The following HIC1 variants were observed in gnomAD, a reference collection of about 807,000 sequenced individuals.
HIC1 encodes the protein HIC ZBTB transcriptional repressor 1.
In HIC1, 9 loss-of-function variants were observed where a neutral mutation model predicts 26.4. The ratio of observed to expected loss-of-function variants is 0.34; its 90% CI spans 0.21 to 0.59. HIC1 has a LOEUF of 0.59. Among genes scored for constraint, HIC1 ranks in the 20% least tolerant of loss-of-function variants. The probability of loss-of-function intolerance (pLI) is 0.82; values close to 1 mark genes in which losing one functional copy is unlikely to be tolerated. For missense variants in HIC1, 965 were observed against 1,075.7 expected (o/e 0.90, Z 1.44); for synonymous variants, 631 against 523.1 (o/e 1.21, Z -2.81).
At position 2,058,953 on chromosome 17, in the gene HIC1, T is replaced by G; in HGVS notation, c.*118T>G. On this transcript the variant is annotated 3_prime_UTR_variant, in exon 2 of 2. Coordinates refer to ENST00000619757, the MANE Select transcript of HIC1 (RefSeq NM_006497.4). Reference sequence around the variant, plus strand: ...CGGGACAACCGCAGCGTCGCCACAGTGGCGGCTCCACCTCTCGGCGGCCTC... The same window carrying G: ...CGGGACAACCGCAGCGTCGCCACAGGGGCGGCTCCACCTCTCGGCGGCCTC... 3.2e-6 allele frequency: 3 copies of G among 934,974 alleles called. No individual in the cohort carries two copies. The highest frequency in any genetic ancestry group is 3.0e-6 in the Non-Finnish European group (2 of 673,734). The allele number at this position is 934,974 out of a possible 1,614,324, so 57.9% of individuals were successfully genotyped here.
In HIC1 at chr17:2,055,331, G is replaced by C. The variant is rs2067661611; in HGVS notation, c.-21+93G>C. The C allele has an allele frequency of 6.6e-6, 1 of 152,196 alleles. No homozygotes were observed. Among genetic ancestry groups the C allele is most frequent in the Non-Finnish European group, 1.5e-5 (1 of 68,048 alleles). The allele number at this position is 152,196 out of a possible 1,614,324, so 9.4% of individuals were successfully genotyped here. On this transcript the variant is annotated intron_variant, in intron 1 of 1. Transcript: ENST00000619757. This position sits in a 1 kb window ranked among gnomAD's most constrained non-coding sequence, Gnocchi z 6.4. Reference sequence around the variant, plus strand: ...CGCCTCGGGTGCATCTTCTGGCGCGGGTGCCCCATCGCGGCTGGCGGCTGG... The same window carrying C: ...CGCCTCGGGTGCATCTTCTGGCGCGCGTGCCCCATCGCGGCTGGCGGCTGG...
chr17:2,061,358 G>A lies in HIC1; in HGVS notation c.*2523G>A, dbSNP rs374288517. 59 of 876,780 alleles carry A rather than the reference G, an allele frequency of 6.7e-5. No homozygotes were observed. Among genetic ancestry groups the A allele is most frequent in the Non-Finnish European group, 8.7e-5 (51 of 583,082 alleles). 54.3% of individuals were successfully genotyped at this position (876,780 alleles called of 1,614,324 possible). On this transcript the variant is annotated 3_prime_UTR_variant, in exon 2 of 2. Transcript: ENST00000619757. ...AGGTCCCCCACAGCATGGCCGTGGC[G>A]TGGGTTGGAAGAGGATGGTTTATTG...
At position 2,058,532 on chromosome 17, in the gene HIC1, C is replaced by T. The variant is rs1430792220; in HGVS notation, c.1842C>T (p.Gly614=). Reference sequence around the variant, plus strand: ...TGGCGGGCTTGGGGGGGCTCCCCGGCGTCCCCGGCCCCGACGGCAAGGGCA... The same window carrying T: ...TGGCGGGCTTGGGGGGGCTCCCCGGTGTCCCCGGCCCCGACGGCAAGGGCA... ...GALAGLGGLP[G]VPGPDGKGKL... The change falls in exon 2 of 2, where the codon GGC becomes GGT. Residue 614 remains glycine, a synonymous_variant. Transcript: ENST00000619757. 2 of 1,501,086 alleles carry T rather than the reference C, an allele frequency of 1.3e-6. No individual in the cohort carries two copies. Among genetic ancestry groups the T allele is most frequent in the South Asian group, 2.6e-5 (2 of 78,218 alleles). 93.0% of individuals were successfully genotyped at this position (1,501,086 alleles called of 1,614,324 possible).
At position 2,058,120 on chromosome 17, in the gene HIC1, C is replaced by T. The variant is rs2067692948; in HGVS notation, c.1430C>T (p.Ala477Val). 1 of 1,601,102 alleles carries T rather than the reference C, an allele frequency of 6.2e-7. No individual in the cohort carries two copies. The highest frequency in any genetic ancestry group is 8.5e-7 in the Non-Finnish European group (1 of 1,177,016). Residue 477 changes from alanine to valine, a missense_variant, in exon 2 of 2, where the codon GCT becomes GTT. Around this residue, in one of 6 missense-constraint regions of HIC1, gnomAD observed 105 missense variants for 101.4 expected, o/e 1.04. Transcript: ENST00000619757. ...GGCGGCGGGGACAAGGTCGCCGGGG[C>T]TCCGGGTGGCCTGGGAGAGCTGCTG... ...FGGGGDKVAG[A>V]PGGLGELLRP...
Position 2,057,757 on chromosome 17 carries a change from C to T in HIC1, c.1067C>T (p.Ala356Val), listed in dbSNP as rs1285776132. 2 of 1,409,820 alleles carry T rather than the reference C, an allele frequency of 1.4e-6. No individual in the cohort carries two copies. Among genetic ancestry groups the T allele is most frequent in the Non-Finnish European group, 9.2e-7 (1 of 1,092,072 alleles). The allele number at this position is 1,409,820 out of a possible 1,614,324, so 87.3% of individuals were successfully genotyped here. Residue 356 changes from alanine (A) to valine (V), a missense_variant, in exon 2 of 2, where the codon GCG becomes GTG. Transcript: ENST00000619757. ...CCCGGGGGGCCCCCGCTCGGCCTGGCGCCGCCGCCGCGCTACCCTGGCAGC... is the reference window on the plus strand; with the variant it reads ...CCCGGGGGGCCCCCGCTCGGCCTGGTGCCGCCGCCGCGCTACCCTGGCAGC... ...VSPGGPPLGL[A>V]PPPRYPGSLD...
At chr17:2,056,495 G>C (rs2067673779) in intron 1 of HIC1, 176 bp from the exon 2 acceptor site, 2 of 1,305,640 alleles carry the variant, frequency 1.5e-6, no homozygotes, top group East Asian at 4.8e-5. Flanking sequence ...TGGTCCGGGC[G>C]GGCCGGCCTG....
In HIC1 at chr17:2,057,337, G is replaced by A. The variant is rs968501586; in HGVS notation, c.647G>A (p.Arg216His). ...GCCGCACTCTGTGCCTCGGAGCGCC[G>A]CTGCTCCCCTCTTTGTGGCCTGGAC... ...PAAALCASER[R>H]CSPLCGLDLS... Residue 216 changes from arginine to histidine, a missense_variant, in exon 2 of 2, where the codon CGC (arginine) becomes CAC (histidine). Transcript: ENST00000619757. 2.7e-6 allele frequency: 4 copies of A among 1,499,046 alleles called. No individual in the cohort carries two copies. The highest frequency in any genetic ancestry group is 3.5e-6 in the Non-Finnish European group (4 of 1,132,872). The allele number at this position is 1,499,046 out of a possible 1,614,324, so 92.9% of individuals were successfully genotyped here.
rs529614050 is a variant in HIC1, at chr17:2,062,406, C to T, written c.*3571C>T. ...CACTTGGACATATAACCTTTTTTTC[C>T]TACAGCATCATGATCATATTAGCCA... On this transcript the variant is annotated 3_prime_UTR_variant, in exon 2 of 2. Transcript: ENST00000619757. The T allele has an allele frequency of 6.6e-6, 1 of 152,222 alleles. No homozygotes were observed. The highest frequency in any genetic ancestry group is 2.1e-4 in the South Asian group (1 of 4,826). The allele number at this position is 152,222 out of a possible 1,614,324, so 9.4% of individuals were successfully genotyped here.
At chr17:2,056,274 C>T in intron 1 of HIC1, 1 of 1,596,638 alleles carries the variant, frequency 6.3e-7, no homozygotes. Flanking sequence ...TCCTCGGCTC[C>T]CTTTCTCCCT....
chr17:2,057,279 G>A lies in HIC1; in HGVS notation c.589G>A (p.Ala197Thr), dbSNP rs945609595. The A allele has an allele frequency of 2.0e-6, 3 of 1,479,860 alleles. No homozygotes were observed. The highest frequency in any genetic ancestry group is 2.7e-6 in the Non-Finnish European group (3 of 1,122,580). The allele number at this position is 1,479,860 out of a possible 1,614,324, so 91.7% of individuals were successfully genotyped here. A position where few individuals can be genotyped will look rare whatever the true frequency, so the allele number is the denominator to read the frequency against. Reference sequence around the variant, plus strand: ...AGAGGCCGCGGTCAACACGCACTGCGCCGAGCTGTACGCGTCGGGACCCGG... The same window carrying A: ...AGAGGCCGCGGTCAACACGCACTGCACCGAGCTGTACGCGTCGGGACCCGG... ...GPEAAVNTHCAELYASGPGPA... is the reference protein window; with the variant it reads ...GPEAAVNTHCTELYASGPGPA... Residue 197 changes from alanine (A) to threonine (T), a missense_variant, in exon 2 of 2, where the codon GCC (alanine) becomes ACC (threonine). Ala to Thr is a moderately conservative substitution (Grantham distance 58, BLOSUM62 0). Coordinates refer to ENST00000619757, the MANE Select transcript of HIC1 (RefSeq NM_006497.4).
In HIC1 at chr17:2,057,867, C is replaced by T; in HGVS notation, c.1177C>T (p.Pro393Ser). Reference protein sequence around the residue: ...ETGSSEDPSPPGGHLEGYPCP... With the variant: ...ETGSSEDPSPSGGHLEGYPCP... Reference sequence around the variant, plus strand: ...CGGTAGCAGCGAGGACCCCAGCCCGCCTGGCGGCCACCTCGAGGGCTACCC... The same window carrying T: ...CGGTAGCAGCGAGGACCCCAGCCCGTCTGGCGGCCACCTCGAGGGCTACCC... Residue 393 changes from proline (P) to serine (S), a missense_variant, in exon 2 of 2, where the codon CCT (proline) becomes TCT (serine). Around this residue, in one of 6 missense-constraint regions of HIC1, gnomAD observed 526 missense variants for 525.0 expected, o/e 1.00. Transcript: ENST00000619757. 12 of 1,594,754 alleles carry T rather than the reference C, an allele frequency of 7.5e-6. No individual in the cohort carries two copies. The highest frequency in any genetic ancestry group is 1.7e-5 in the Admixed American group (1 of 57,526).
In HIC1 at chr17:2,062,988, CAG is replaced by C. The variant is rs2067827742; in HGVS notation, c.*4157_*4158del. 1 of 152,652 alleles carries C rather than the reference CAG, an allele frequency of 6.6e-6. No individual in the cohort carries two copies. The highest frequency in any genetic ancestry group is 1.5e-5 in the Non-Finnish European group (1 of 68,396). The allele number at this position is 152,652 out of a possible 1,614,324, so 9.5% of individuals were successfully genotyped here. A position where few individuals can be genotyped will look rare whatever the true frequency, so the allele number is the denominator to read the frequency against. On this transcript the variant is annotated 3_prime_UTR_variant, in exon 2 of 2. Coordinates refer to ENST00000619757, the MANE Select transcript of HIC1 (RefSeq NM_006497.4). Reference sequence around the variant, plus strand: ...AGGTGGCCTCGGGTGAGGGGATACTCAGAGACTACTCAGCTGCCTGGGCCAGG... The same window carrying C: ...AGGTGGCCTCGGGTGAGGGGATACTCAGACTACTCAGCTGCCTGGGCCAGG...
chr17:2,061,349 G>C lies in HIC1; in HGVS notation c.*2514G>C. ...GTGAGGAGCAGGTCCCCCACAGCAT[G>C]GCCGTGGCGTGGGTTGGAAGAGGAT... On this transcript the variant is annotated 3_prime_UTR_variant, in exon 2 of 2. Transcript: ENST00000619757. The C allele has an allele frequency of 1.2e-6, 1 of 807,370 alleles. No homozygotes were observed. Among genetic ancestry groups the C allele is most frequent in the Non-Finnish European group, 1.9e-6 (1 of 521,998 alleles). The allele number at this position is 807,370 out of a possible 1,614,324, so 50.0% of individuals were successfully genotyped here.
At position 2,057,961 on chromosome 17, in the gene HIC1, G is replaced by A. The variant is rs1192780961; in HGVS notation, c.1271G>A (p.Gly424Asp). 6.2e-7 allele frequency: 1 copy of A among 1,610,466 alleles called. No homozygotes were observed. The highest frequency in any genetic ancestry group is 8.5e-7 in the Non-Finnish European group (1 of 1,178,850). ...AACCTGTACGTGTGCATTCCGTGCG[G>A]CAAGGGCTTCCCCAGCTCTGAGCAG... The part of the protein sequence containing the change: ...GDNLYVCIPC[G>D]KGFPSSEQLN... The change falls in exon 2 of 2, where the codon GGC (glycine) becomes GAC (aspartate). Residue 424 changes from glycine (G) to aspartate (D), a missense_variant. Gly to Asp is a moderately conservative substitution (Grantham distance 94). This residue lies in a region of HIC1 where 15 missense variants were observed against 36.2 expected (regional missense o/e 0.41). Transcript: ENST00000619757.
Position 2,061,474 on chromosome 17 carries a change from G to T in HIC1, c.*2639G>T, listed in dbSNP as rs756376437. ...TTCAGGAACGGTTCCACGGGGGGGGGGCCCCAGTGTGGCTCCCTCAGCCCA... is the reference window on the plus strand; with the variant it reads ...TTCAGGAACGGTTCCACGGGGGGGGTGCCCCAGTGTGGCTCCCTCAGCCCA... On this transcript the variant is annotated 3_prime_UTR_variant, in exon 2 of 2. Coordinates refer to ENST00000619757, the MANE Select transcript of HIC1 (RefSeq NM_006497.4). 3.8e-6 allele frequency: 6 copies of T among 1,566,512 alleles called. No individual in the cohort carries two copies. Among genetic ancestry groups the T allele is most frequent in the Non-Finnish European group, 4.3e-6 (5 of 1,157,570 alleles).
Position 2,059,860 on chromosome 17 carries a change from A to C in HIC1, c.*1025A>C, listed in dbSNP as rs1273661504. 1 of 166,116 alleles carries C rather than the reference A, an allele frequency of 6.0e-6. No individual in the cohort carries two copies. Among genetic ancestry groups the C allele is most frequent in the Admixed American group, 6.5e-5 (1 of 15,290 alleles). 10.3% of individuals were successfully genotyped at this position (166,116 alleles called of 1,614,324 possible). A position where few individuals can be genotyped will look rare whatever the true frequency, so the allele number is the denominator to read the frequency against. On this transcript the variant is annotated 3_prime_UTR_variant, in exon 2 of 2. Coordinates refer to ENST00000619757, the MANE Select transcript of HIC1 (RefSeq NM_006497.4). The stretch of plus-strand genomic sequence containing the variant: ...AGGTCAGGTATGTTTCATAACTAAA[A>C]ATTTATTAAGGAAACAAAACCAGTG...
Position 2,058,571 on chromosome 17 carries a change from C to A in HIC1, c.1881C>A (p.Pro627=). ...GPDGKGKLDF[P]EGVFAVARLT... ...ACGGCAAGGGCAAGCTCGACTTCCC[C>A]GAGGGCGTCTTTGCTGTGGCTCGCC... The change falls in exon 2 of 2, where the codon CCC becomes CCA. Residue 627 remains proline, a synonymous_variant. Transcript: ENST00000619757. The A allele has an allele frequency of 6.4e-7, 1 of 1,558,054 alleles. No homozygotes were observed. The highest frequency in any genetic ancestry group is 1.4e-5 in the African/African-American group (1 of 70,810).
At position 2,055,980 on chromosome 17, in the gene HIC1, GC is replaced by G. The variant is rs1359744673; in HGVS notation, c.-20-686del. 7.0e-6 allele frequency among the ~76,000 whole-genome samples: 1 copy of G among 143,828 alleles called. No individual in the cohort carries two copies. Among genetic ancestry groups the G allele is most frequent in the Non-Finnish European group, 1.5e-5 (1 of 65,044 alleles). The allele number at this position is 143,828 out of a possible 152,430, so 94.4% of individuals were successfully genotyped here. ...GTGCGCCGTGCCCGCCCGGGGCGCT[GC>G]CCCCTCCCTCCCCTGGGAGCTGCGT... On this transcript the variant is annotated intron_variant, in intron 1 of 1. Transcript: ENST00000619757. The surrounding 1 kb of genome is among the most constrained non-coding windows in gnomAD (Gnocchi z 6.4).
In HIC1 at chr17:2,057,435, C is replaced by G; in HGVS notation, c.745C>G (p.Pro249Ala). 2 of 1,448,116 alleles carry G rather than the reference C, an allele frequency of 1.4e-6. No homozygotes were observed. Among genetic ancestry groups the G allele is most frequent in the Middle Eastern group, 4.8e-4 (2 of 4,196 alleles). 89.7% of individuals were successfully genotyped at this position (1,448,116 alleles called of 1,614,324 possible). ...GGCTGAGCGCGAGCTGCCCCCGCGC[C>G]CGGACAGCCCTCCCAGCGCCGGCCC... The part of the protein sequence containing the change: ...PLAERELPPR[P>A]DSPPSAGPAA... The change falls in exon 2 of 2, where the codon CCG becomes GCG. Residue 249 changes from proline (P) to alanine (A), a missense_variant. Coordinates refer to ENST00000619757, the MANE Select transcript of HIC1 (RefSeq NM_006497.4).
Sources: gnomAD v4.1 joint callset for allele counts (sites outside exome capture counted in the v4.1 genomes callset) on GRCh38, gnomAD v4.1.1 for gene constraint, gnomAD v4.1.1 regional missense constraint, Gnocchi (gnomAD v3.1) non-coding constraint, MANE v1.5 for transcripts, NCBI Gene and HGNC (gene_info 2026-07-23, HGNC 2026-07-21) for gene names.